CNTN4: variants seen among roughly 807,000 people sequenced by gnomAD.
CNTN4 encodes the protein contactin 4.
Under a neutral mutation model 122.5 loss-of-function variants are expected in CNTN4, and 77 were observed. That is an observed-to-expected ratio of 0.63 (90% CI 0.52 to 0.76). The LOEUF (loss-of-function observed/expected upper bound fraction) is 0.76, where lower values mean the gene tolerates loss of function less well. Ranked by LOEUF, CNTN4 falls within the 30% of genes least tolerant of loss-of-function variation. The pLI is 0.00. For missense variants in CNTN4, 1,256 were observed against 1,259.1 expected, an observed-to-expected ratio of 1.00 and a Z score of 0.04; for synonymous variants, 512 against 447.0, an observed-to-expected ratio of 1.15 and a Z score of -1.83.
intron 12 of CNTN4, among the ~76,000 whole-genome samples, chr3:2,907,781 G>A (rs1417610335): frequency 6.6e-6 from 1 of 152,130 alleles, no homozygotes; most frequent in Non-Finnish European, 1.5e-5. Context: ...TATGTGTTCT[G>A]TCTTGGTATT....
chr3:2,574,335 GATATGTT>G (rs1363863790), intron 4 of CNTN4, among the ~76,000 whole-genome samples: 1 of 152,056 alleles, frequency 6.6e-6, no homozygotes, highest in Non-Finnish European at 1.5e-5. Context: ...TTTGGTAAGG[GATATGTT>G]TACAGCTGTT....
intron 2 of CNTN4, among the ~76,000 whole-genome samples, chr3:2,231,633 A>T (rs1227781946): frequency 6.6e-6 from 1 of 152,228 alleles, no homozygotes; most frequent in African/African-American, 2.4e-5. Context: ...CCTTAGCAAC[A>T]TCCAAGGCTC....
At chr3:2,987,460 T>C (rs2125275626) in intron 13 of CNTN4, among the ~76,000 whole-genome samples, 1 of 152,312 alleles carries the variant, frequency 6.6e-6, no homozygotes, top group South Asian at 2.1e-4. Flanking sequence ...GCTGTTTTGA[T>C]AGACTAGGTG....
At chr3:2,170,266 G>T (rs909869485) in intron 2 of CNTN4, among the ~76,000 whole-genome samples, 3 of 152,100 alleles carry the variant, frequency 2.0e-5, no homozygotes, top group African/African-American at 7.2e-5. Flanking sequence ...CTTGCAGTGA[G>T]CCGAGATCGC....
chr3:2,583,507 A>T (rs1202060699), intron 4 of CNTN4, among the ~76,000 whole-genome samples: 1 of 152,208 alleles, frequency 6.6e-6, no homozygotes, highest in African/African-American at 2.4e-5. Context: ...GCTCTATATA[A>T]ATGAAAATGA....
chr3:2,779,791 T>C (rs1167899517), intron 6 of CNTN4, among the ~76,000 whole-genome samples: 2 of 152,238 alleles, frequency 1.3e-5, no homozygotes, highest in Non-Finnish European at 2.9e-5. Flanking sequence ...GTGATTTGTA[T>C]GATTGTTAAG....
intron 2 of CNTN4, among the ~76,000 whole-genome samples, chr3:2,182,559 A>G (rs1485021523): frequency 6.6e-6 from 1 of 152,110 alleles, no homozygotes; most frequent in East Asian, 1.9e-4. Context: ...CCTTATAATT[A>G]TGGGGTAACC....
At chr3:2,701,373 C>G (rs1341848459) in intron 4 of CNTN4, among the ~76,000 whole-genome samples, 1 of 152,092 alleles carries the variant, frequency 6.6e-6, no homozygotes, top group African/African-American at 2.4e-5. Flanking sequence ...GGAGATGAAG[C>G]AAAACGAGGG....
chr3:2,533,319 T>A (rs1379394975), intron 3 of CNTN4, among the ~76,000 whole-genome samples: 1 of 151,962 alleles, frequency 6.6e-6, no homozygotes, highest in Non-Finnish European at 1.5e-5. Context: ...GTGTGTGATG[T>A]TCCTTTTCCC....
At chr3:3,046,696 G>A (rs1700698438) in intron 23 of CNTN4, among the ~76,000 whole-genome samples, 1 of 152,092 alleles carries the variant, frequency 6.6e-6, no homozygotes, top group South Asian at 2.1e-4. Context: ...AAAGACCATT[G>A]ATGCTAGGAA....
chr3:2,137,784 A>G (rs1410533926), intron 2 of CNTN4, among the ~76,000 whole-genome samples: 1 of 152,164 alleles, frequency 6.6e-6, no homozygotes, highest in Non-Finnish European at 1.5e-5. Flanking sequence ...GAAAAGGACA[A>G]AGCCAAAGCG....
At chr3:2,307,260 C>T (rs929810059) in intron 2 of CNTN4, among the ~76,000 whole-genome samples, 2 of 152,192 alleles carry the variant, frequency 1.3e-5, no homozygotes, top group African/African-American at 2.4e-5. Flanking sequence ...ACGGTGAAAC[C>T]CCGTCTCTAC....
rs941263325 is a variant in CNTN4 at position 2,289,394 on chromosome 3, C to T, written c.-144-49784C>T. ...ACTTTTGTATGTTTAGTTTTCTCATCTGTGAAATGGCGATAATAATAGTAT... is the reference window on the plus strand; with the variant it reads ...ACTTTTGTATGTTTAGTTTTCTCATTTGTGAAATGGCGATAATAATAGTAT... On this transcript the variant is annotated intron_variant, in intron 2 of 24. Transcript: ENST00000418658. 2.6e-5 allele frequency among the ~76,000 whole-genome samples: 4 copies of T among 152,130 alleles called. No individual in the cohort carries two copies. In the East Asian group the frequency reaches 7.7e-4, roughly 29 times the overall value.
At chr3:2,428,523 A>C (rs541599070) in intron 3 of CNTN4, among the ~76,000 whole-genome samples, 26 of 152,124 alleles carry the variant, frequency 1.7e-4, no homozygotes, top group South Asian at 4.2e-4. Context: ...CTTCATTTCA[A>C]CTTTGGTGAA....
At chr3:2,508,488 T>C (rs554034901) in intron 3 of CNTN4, among the ~76,000 whole-genome samples, 1 of 152,306 alleles carries the variant, frequency 6.6e-6, no homozygotes, top group Admixed American at 6.5e-5. Flanking sequence ...TCCCATAACT[T>C]TCATTCTGCC....
chr3:2,742,617 C>T (rs964776244), intron 5 of CNTN4, among the ~76,000 whole-genome samples: 1 of 152,038 alleles, frequency 6.6e-6, no homozygotes, highest in African/African-American at 2.4e-5. Context: ...CAGAGTGTCA[C>T]AGCATCGGTG....
intron 6 of CNTN4, among the ~76,000 whole-genome samples, chr3:2,753,704 T>C (rs531663546): frequency 1.3e-5 from 2 of 152,340 alleles, no homozygotes; most frequent in African/African-American, 4.8e-5. Context: ...GGTGAAATGT[T>C]TCCTTTGTAC....
At position 2,385,745 on chromosome 3, in the gene CNTN4, G is replaced by C. The variant is rs931476037; in HGVS notation, c.-89+46512G>C. On this transcript the variant is annotated intron_variant, in intron 3 of 24. Coordinates refer to ENST00000418658, the MANE Select transcript of CNTN4 (RefSeq NM_175607.3). The surrounding 1 kb of genome is among the most constrained non-coding windows in gnomAD (Gnocchi z 4.0). The stretch of plus-strand genomic sequence containing the variant: ...TTTTCCTCTTCTCATAAGGACATAA[G>C]TCTTATTGGATATGACCTATCCTAA... Among the ~76,000 whole-genome samples the C allele has an allele frequency of 6.6e-6, 1 of 151,984 alleles. No individual in the cohort carries two copies.
At chr3:2,452,799 T>C (rs1340924535) in intron 3 of CNTN4, among the ~76,000 whole-genome samples, 2 of 151,968 alleles carry the variant, frequency 1.3e-5, no homozygotes, top group Admixed American at 6.6e-5. Context: ...GATAAGATCA[T>C]AAAAAATACA....
Sources: allele counts gnomAD v4.1 joint callset (sites outside exome capture counted in the v4.1 genomes callset), GRCh38; gene constraint gnomAD v4.1.1; non-coding constraint Gnocchi (gnomAD v3.1); transcripts MANE v1.5; gene names NCBI Gene and HGNC (gene_info 2026-07-23, HGNC 2026-07-21).